Variants in ANLN observed in about 807,000 individuals in gnomAD.
ANLN encodes anillin, actin binding protein.
Under a neutral mutation model 135.1 loss-of-function variants are expected in ANLN, and 59 were observed. The observed-to-expected ratio is 0.44, with a 90% CI of 0.35 to 0.54. ANLN has a LOEUF of 0.54. Among genes scored for constraint, ANLN ranks in the 20% least tolerant of loss-of-function variants. The pLI is 0.00. For synonymous variants in ANLN, 406 were observed against 456.4 expected, an observed-to-expected ratio of 0.89 and a Z score of 1.41; for missense variants, 1,182 against 1,340.0, an observed-to-expected ratio of 0.88 and a Z score of 1.84.
chr7:36,397,245 T>A (rs1203502166), intron 2 of ANLN, among the ~76,000 whole-genome samples: 2 of 152,208 alleles, frequency 1.3e-5, no homozygotes, highest in African/African-American at 4.8e-5. Flanking sequence ...CATACGTTTA[T>A]CCATTTTGAA....
intron 23 of ANLN, 38 bp downstream of exon 23, chr7:36,449,875 A>G (rs777476807): frequency 6.3e-7 from 1 of 1,590,454 alleles, no homozygotes; most frequent in Non-Finnish European, 8.6e-7. Flanking sequence ...TCAACTAAGC[A>G]ATTGATTGCC....
Position 36,411,082 on chromosome 7 carries a change from T to C in ANLN, c.1311T>C (p.Cys437=). The C allele has an allele frequency of 6.2e-7, 1 of 1,608,708 alleles. No homozygotes were observed. ...AGGAACGTCAAAAAGAACTAGCATG[T>C]CTTCGTGGCCGATTTGACAAGGGCA... ...LKQERQKELA[C]LRGRFDKGNI... Residue 437 remains cysteine (C), a synonymous_variant, in exon 7 of 24, where the codon TGT becomes TGC. Coordinates refer to ENST00000265748, the MANE Select transcript of ANLN (RefSeq NM_018685.5).
At chr7:36,451,316 T>A (rs1789233970) in intron 23 of ANLN, among the ~76,000 whole-genome samples, 1 of 152,180 alleles carries the variant, frequency 6.6e-6, no homozygotes, top group Non-Finnish European at 1.5e-5. Context: ...TACTGCATAC[T>A]TCAAAATAGA....
At chr7:36,390,318 T>C in intron 1 of ANLN, 1 of 525,530 alleles carries the variant, frequency 1.9e-6, no homozygotes, top group East Asian at 3.1e-5. Flanking sequence ...TCAGCCCCCG[T>C]TTTTACCATG....
intron 1 of ANLN, among the ~76,000 whole-genome samples, chr7:36,394,603 T>A (rs1355985291): frequency 2.0e-5 from 3 of 149,036 alleles, no homozygotes; most frequent in Non-Finnish European, 3.0e-5. Context: ...TGTCACTTTT[T>A]TCAATGAACT....
chr7:36,414,620 G>T (rs1486804917), intron 7 of ANLN, among the ~76,000 whole-genome samples: 1 of 152,136 alleles, frequency 6.6e-6, no homozygotes, highest in East Asian at 1.9e-4. Context: ...AGAATAGGGG[G>T]TAGTATTGAG....
rs147356311 is a variant in ANLN at position 36,423,895 on chromosome 7, C to T, written c.2555C>T (p.Ser852Leu). 2.9e-5 allele frequency: 47 copies of T among 1,612,682 alleles called. No individual in the cohort carries two copies. The highest frequency in any genetic ancestry group is 3.8e-5 in the Non-Finnish European group (45 of 1,179,278). Residue 852 changes from serine (S) to leucine (L), a missense_variant, in exon 15 of 24, where the codon TCA (serine) becomes TTA (leucine). This residue lies in a region of ANLN where 1,022 missense variants were observed against 1,134.0 expected (regional missense o/e 0.90). Coordinates refer to ENST00000265748, the MANE Select transcript of ANLN (RefSeq NM_018685.5). ...NMVATPLAST[S>L]NSLNGDALTF... is the part of the protein sequence containing the mutation. ...GTAGCCACACCATTAGCAAGTACTT[C>T]AAACTCTCTTAACGGTGATGCTCTG...
At position 36,389,974 on chromosome 7, in the gene ANLN, T is replaced by C. The variant is rs764739724; in HGVS notation, c.-53T>C. On this transcript the variant is annotated 5_prime_UTR_variant, in exon 1 of 24. Transcript: ENST00000265748. Reference sequence around the variant, plus strand: ...CACTGAGCTGAGACTCACTTTTCTCTTCCTGAATTTGAACCACCGTTTCCA... The same window carrying C: ...CACTGAGCTGAGACTCACTTTTCTCCTCCTGAATTTGAACCACCGTTTCCA... 6 of 1,614,094 alleles carry C rather than the reference T, an allele frequency of 3.7e-6. No individual in the cohort carries two copies. The South Asian group carries it at 5.5e-5, about 15-fold the overall frequency.
At chr7:36,427,183 C>T (rs1422995005) in intron 20 of ANLN, among the ~76,000 whole-genome samples, 155 bp downstream of exon 20, 1 of 147,760 alleles carries the variant, frequency 6.8e-6, no homozygotes, top group Non-Finnish European at 1.5e-5. Context: ...ATGAGTGTAC[C>T]TAAATGTTTT....
intron 2 of ANLN, 37 bp downstream of exon 2, chr7:36,396,456 T>G (rs1052128486): frequency 6.5e-7 from 1 of 1,532,378 alleles, no homozygotes; most frequent in Non-Finnish European, 8.8e-7. Flanking sequence ...CATTTACTTT[T>G]TTTTTCTTTT....
intron 21 of ANLN, 49 bp downstream of exon 21, chr7:36,439,339 A>G (rs1439572684): frequency 2.8e-6 from 3 of 1,061,116 alleles, no homozygotes; most frequent in Non-Finnish European, 4.2e-6. Flanking sequence ...ATTTTGTGAA[A>G]TACAGACTTG....
At chr7:36,406,127 C>T (rs569894576) in intron 3 of ANLN, 54 bp from the exon 4 acceptor site, 181 of 1,504,150 alleles carry the variant, frequency 1.2e-4, no homozygotes, top group Non-Finnish European at 1.5e-4. Context: ...TGGTATTATA[C>T]GTAAGCATTA....
intron 2 of ANLN, among the ~76,000 whole-genome samples, chr7:36,397,144 A>G (rs1275545796): frequency 7.1e-6 from 1 of 140,254 alleles, no homozygotes; most frequent in Non-Finnish European, 1.6e-5. Context: ...GGGCAAAACC[A>G]ATGTTTTTTT....
intron 3 of ANLN, among the ~76,000 whole-genome samples, chr7:36,401,857 AC>A (rs1786966184): frequency 8.5e-6 from 1 of 117,888 alleles, no homozygotes; most frequent in Non-Finnish European, 1.8e-5. Context: ...TGACATGCCC[AC>A]CAGTGTGCCA....
intron 7 of ANLN, among the ~76,000 whole-genome samples, chr7:36,414,450 G>A (rs1787558202): frequency 6.6e-6 from 1 of 152,128 alleles, no homozygotes; most frequent in East Asian, 1.9e-4. Context: ...AAGGAAGGAG[G>A]AAAGTAGCAT....
At chr7:36,436,573 C>T (rs1458508258) in intron 20 of ANLN, among the ~76,000 whole-genome samples, 1 of 152,192 alleles carries the variant, frequency 6.6e-6, no homozygotes, top group East Asian at 1.9e-4. Flanking sequence ...TTTGATATTT[C>T]TACCATTAAT....
At chr7:36,442,174 T>C (rs140781309) in intron 21 of ANLN, among the ~76,000 whole-genome samples, 1 of 152,344 alleles carries the variant, frequency 6.6e-6, no homozygotes, top group East Asian at 1.9e-4. Context: ...GTTGAGATAA[T>C]TTAAAAATAC....
intron 9 of ANLN, among the ~76,000 whole-genome samples, chr7:36,418,540 T>C (rs1787740858): frequency 6.6e-6 from 1 of 152,206 alleles, no homozygotes; most frequent in African/African-American, 2.4e-5. Flanking sequence ...TATCGAACCC[T>C]GCCCTAAGTG....
chr7:36,426,840 G>A (rs1217995431), intron 19 of ANLN, 76 bp from the exon 20 acceptor site: 1 of 774,286 alleles, frequency 1.3e-6, no homozygotes, highest in Non-Finnish European at 2.0e-6. Flanking sequence ...TCTTCTACTG[G>A]GATGGGGTGA....
Sources: allele counts gnomAD v4.1 joint callset (sites outside exome capture counted in the v4.1 genomes callset), GRCh38; gene constraint gnomAD v4.1.1; regional missense constraint gnomAD v4.1.1; transcripts MANE v1.5; gene names NCBI Gene and HGNC (gene_info 2026-07-23, HGNC 2026-07-21).